Variants in RADIL observed in about 807,000 individuals in gnomAD.
The protein encoded by RADIL is Rap associating with DIL domain.
In RADIL, 99 loss-of-function variants were observed where a neutral mutation model predicts 97.6. The ratio of observed to expected loss-of-function variants is 1.01; its 90% CI spans 0.86 to 1.20. The LOEUF is 1.20. Ranked by LOEUF, RADIL falls within the 50% of genes most tolerant of loss-of-function variation. The pLI is 0.00. For missense variants in RADIL, 1,765 were observed against 1,498.9 expected, an observed-to-expected ratio of 1.18 and a Z score of -2.93; for synonymous variants, 803 against 691.8, an observed-to-expected ratio of 1.16 and a Z score of -2.52.
chr7:4,806,145 ATTTGT>A, intron 9 of RADIL: 2 of 823,320 alleles, frequency 2.4e-6, no homozygotes, highest in Non-Finnish European at 2.9e-6. Flanking sequence ...CAGGGAAAAC[ATTTGT>A]TTGTTTGCTT....
In RADIL at chr7:4,816,298, C is replaced by T; in HGVS notation, c.1896G>A (p.Val632=). 3.7e-6 allele frequency: 6 copies of T among 1,612,658 alleles called. No individual in the cohort carries two copies. The highest frequency in any genetic ancestry group is 5.1e-6 in the Non-Finnish European group (6 of 1,179,854). Residue 632 remains valine (V), a synonymous_variant, in exon 8 of 15, where the codon GTG becomes GTA. Transcript: ENST00000399583. ...AGAGGTAGGCGAGCATCTGCGAGGC[C>T]ACCTCGGGGTGCACCTGCAGCTGCC... ...LLRQLQVHPE[V]ASQMLAYLFF...
intron 2 of RADIL, among the ~76,000 whole-genome samples, chr7:4,868,814 C>G (rs1239689882): frequency 6.6e-6 from 1 of 152,028 alleles, no homozygotes; most frequent in East Asian, 1.9e-4. Flanking sequence ...TTACAGATTG[C>G]ACTTTAAAAA....
Position 4,824,196 on chromosome 7 carries a change from C to T in RADIL, c.1455-1642G>A, listed in dbSNP as rs922910111. Among the ~76,000 whole-genome samples, 2 of 152,222 alleles carry T rather than the reference C, an allele frequency of 1.3e-5. No individual in the cohort carries two copies. The highest frequency in any genetic ancestry group is 4.8e-5 in the African/African-American group (2 of 41,472). On this transcript the variant is annotated intron_variant, in intron 5 of 14. Transcript: ENST00000399583. The surrounding 1 kb of genome is among the most constrained non-coding windows in gnomAD (Gnocchi z 6.7). ...CCCGGGTACCCCTTGTCACCTGTGT[C>T]CCTTACTGGGGGGATTCTAAGGGGT...
At chr7:4,860,207 G>C (rs746570849) in intron 2 of RADIL, 2 of 1,613,918 alleles carry the variant, frequency 1.2e-6, no homozygotes, top group South Asian at 1.1e-5. Context: ...TGAAGGCACA[G>C]ACATGCTGTT....
In RADIL at chr7:4,818,455, G is replaced by A. The variant is rs776636373; in HGVS notation, c.1616-1104C>T. Among the ~76,000 whole-genome samples, 30 of 152,134 alleles carry A rather than the reference G, an allele frequency of 2.0e-4. No homozygotes were observed. The East Asian group carries it at 2.5e-3, about 13-fold the overall frequency. On this transcript the variant is annotated intron_variant, in intron 6 of 14. Transcript: ENST00000399583. This position sits in a 1 kb window ranked among gnomAD's most constrained non-coding sequence, Gnocchi z 7.1. The stretch of plus-strand genomic sequence containing the variant: ...TGCCTGGCCCCCACCCACCAAGCCC[G>A]CTCCCCAAGAACCTGTGAAGCCCCC...
chr7:4,835,033 G>A lies in RADIL; in HGVS notation c.990C>T (p.Ser330=), dbSNP rs939914022. ...IPGAHISVNF[S]EVGHRTVVLH... is the part of the protein sequence containing the mutation. ...GCACCACGGTCCTGTGCCCCACCTC[G>A]GAGAAGTTGACGGAGATGTGCGCCC... The change falls in exon 4 of 15, where the codon TCC becomes TCT. Residue 330 remains serine (S), a synonymous_variant. Transcript: ENST00000399583. The surrounding 1 kb of genome is among the most constrained non-coding windows in gnomAD (Gnocchi z 5.8). The A allele has an allele frequency of 4.3e-6, 7 of 1,610,530 alleles. No homozygotes were observed. The highest frequency in any genetic ancestry group is 3.3e-5 in the Admixed American group (2 of 59,764).
At position 4,883,045 on chromosome 7, in the gene RADIL, A is replaced by T. The variant is rs1784517089; in HGVS notation, c.-65+551T>A. Among the ~76,000 whole-genome samples the T allele has an allele frequency of 6.6e-6, 1 of 152,178 alleles. No homozygotes were observed. Among genetic ancestry groups the T allele is most frequent in the Admixed American group, 6.5e-5 (1 of 15,284 alleles). ...TTTGTCGAGGGGCTGGAAATGGTAC[A>T]TAAATAGCCGGGAAACAATGCTTTG... On this transcript the variant is annotated intron_variant, in intron 1 of 14. Transcript: ENST00000399583. The surrounding 1 kb of genome is among the most constrained non-coding windows in gnomAD (Gnocchi z 7.1).
At chr7:4,832,318 C>T in intron 4 of RADIL, 140 bp from the exon 5 acceptor site, 1 of 821,666 alleles carries the variant, frequency 1.2e-6, no homozygotes, top group East Asian at 2.7e-5. Context: ...TTTATTCAAG[C>T]TGTGCTGGAA....
chr7:4,861,834 G>GCACGTCCCCCATCACCGCGACCTT, intron 2 of RADIL: 2 of 1,268,418 alleles, frequency 1.6e-6, no homozygotes, highest in Non-Finnish European at 2.1e-6. Context: ...CCCCGCCAGG[G>GCACGTCCCCCATCACCGCGACCTT]CACGTCCCCC....
At chr7:4,859,937 T>A in intron 2 of RADIL, 1 of 1,613,756 alleles carries the variant, frequency 6.2e-7, no homozygotes, top group Non-Finnish European at 8.5e-7. Context: ...TTCCTGAAGG[T>A]CTGGATGGCT....
rs529574783 is a variant in RADIL, at chr7:4,805,381, G to A, written c.2290+185C>T. The A allele has an allele frequency of 7.9e-5, 50 of 636,884 alleles. No homozygotes were observed. The South Asian group carries it at 2.1e-3, about 27-fold the overall frequency. 39.5% of individuals were successfully genotyped at this position (636,884 alleles called of 1,614,324 possible). A position where few individuals can be genotyped will look rare whatever the true frequency, so the allele number is the denominator to read the frequency against. ...TGACTCCCCCGCCGAGGAGGTCCCC[G>A]GATCCCCAGGTTGGGGATGGGGCGG... is the stretch of plus-strand genomic sequence containing the variant. On this transcript the variant is annotated intron_variant, in intron 10 of 14. Transcript: ENST00000399583.
At chr7:4,862,666 C>T (rs936599222) in intron 2 of RADIL, among the ~76,000 whole-genome samples, 12 of 152,092 alleles carry the variant, frequency 7.9e-5, no homozygotes, top group Admixed American at 6.5e-4. Context: ...TATGGGAGGC[C>T]GAGGCGGGCA....
In RADIL at chr7:4,817,122, T is replaced by A; in HGVS notation, c.1728+117A>T. ...CTGCTCCCTGATGAAGTGGAGCTTG[T>A]CACGGTCCCCTCCCTCAGCCCCCCA... On this transcript the variant is annotated intron_variant, in intron 7 of 14. Coordinates refer to ENST00000399583, the MANE Select transcript of RADIL (RefSeq NM_018059.5). This position sits in a 1 kb window ranked among gnomAD's most constrained non-coding sequence, Gnocchi z 8.3. The A allele has an allele frequency of 1.2e-6, 1 of 844,068 alleles. No individual in the cohort carries two copies. Among genetic ancestry groups the A allele is most frequent in the Non-Finnish European group, 1.9e-6 (1 of 535,176 alleles). 52.3% of individuals were successfully genotyped at this position (844,068 alleles called of 1,614,324 possible). A position where few individuals can be genotyped will look rare whatever the true frequency, so the allele number is the denominator to read the frequency against.
rs1047128021 is a variant in RADIL, at chr7:4,842,415, T to C, written c.536-5810A>G. Among the ~76,000 whole-genome samples the C allele has an allele frequency of 9.9e-5, 15 of 152,284 alleles. No homozygotes were observed. The highest frequency in any genetic ancestry group is 3.4e-3 in the Middle Eastern group (1 of 294). Reference sequence around the variant, plus strand: ...GGAGGAAGCGGCGAGGGAGACAGCATGCAGCCACAGCCACACGGCTTTGTC... The same window carrying C: ...GGAGGAAGCGGCGAGGGAGACAGCACGCAGCCACAGCCACACGGCTTTGTC... On this transcript the variant is annotated intron_variant, in intron 2 of 14. Coordinates refer to ENST00000399583, the MANE Select transcript of RADIL (RefSeq NM_018059.5). The surrounding 1 kb of genome is among the most constrained non-coding windows in gnomAD (Gnocchi z 4.5).
intron 5 of RADIL, among the ~76,000 whole-genome samples, chr7:4,828,967 C>T (rs1357768433): frequency 6.6e-6 from 1 of 152,160 alleles, no homozygotes; most frequent in Non-Finnish European, 1.5e-5. Context: ...CCTCCCTGCA[C>T]CTCAGCACTT....
At chr7:4,831,358 G>C (rs572808272) in intron 5 of RADIL, among the ~76,000 whole-genome samples, 2 of 152,102 alleles carry the variant, frequency 1.3e-5, no homozygotes, top group Non-Finnish European at 2.9e-5. Flanking sequence ...AGAGAGGTGA[G>C]CAACAGACAC....
rs928556006 is a variant in RADIL at position 4,842,818 on chromosome 7, G to A, written c.536-6213C>T. Among the ~76,000 whole-genome samples the A allele has an allele frequency of 6.6e-6, 1 of 152,024 alleles. No homozygotes were observed. The highest frequency in any genetic ancestry group is 1.5e-5 in the Non-Finnish European group (1 of 68,028). ...GGGGATAATGAAACGTTCCTGGGCT[G>A]GGGAACTTTACCACTACTGGGGAAC... On this transcript the variant is annotated intron_variant, in intron 2 of 14. Transcript: ENST00000399583. The surrounding 1 kb of genome is among the most constrained non-coding windows in gnomAD (Gnocchi z 4.5).
chr7:4,840,511 G>A lies in RADIL; in HGVS notation c.536-3906C>T, dbSNP rs1236037784. On this transcript the variant is annotated intron_variant, in intron 2 of 14. Coordinates refer to ENST00000399583, the MANE Select transcript of RADIL (RefSeq NM_018059.5). This position sits in a 1 kb window ranked among gnomAD's most constrained non-coding sequence, Gnocchi z 5.6. Reference sequence around the variant, plus strand: ...CTCAGACCCGGCAGCACACTGCTCAGGAAGGGTAGGCCAGGGCTTTGCAAT... The same window carrying A: ...CTCAGACCCGGCAGCACACTGCTCAAGAAGGGTAGGCCAGGGCTTTGCAAT... Among the ~76,000 whole-genome samples the A allele has an allele frequency of 1.8e-4, 28 of 152,178 alleles. No individual in the cohort carries two copies. The highest frequency in any genetic ancestry group is 2.9e-5 in the Non-Finnish European group (2 of 68,020).
At chr7:4,859,466 T>C (rs575805724) in intron 2 of RADIL, 2 of 161,712 alleles carry the variant, frequency 1.2e-5, no homozygotes, top group South Asian at 3.7e-4. Flanking sequence ...CTGTTGCTGA[T>C]ACATTAATAA....
Sources: allele counts gnomAD v4.1 joint callset (sites outside exome capture counted in the v4.1 genomes callset), GRCh38; gene constraint gnomAD v4.1.1; non-coding constraint Gnocchi (gnomAD v3.1); transcripts MANE v1.5; gene names NCBI Gene and HGNC (gene_info 2026-07-23, HGNC 2026-07-21).